Variants in BZW2 observed in about 807,000 individuals in gnomAD.
The protein encoded by BZW2 is basic leucine zipper and W2 domains 2.
In BZW2, 23 loss-of-function variants were observed where a neutral mutation model predicts 53.2. The ratio of observed to expected loss-of-function variants is 0.43; its 90% confidence interval spans 0.31 to 0.61. The LOEUF is 0.61. Among genes scored for constraint, BZW2 ranks in the 20% least tolerant of loss-of-function variants. The probability of loss-of-function intolerance (pLI) is 0.09; values close to 1 mark genes in which losing one functional copy is unlikely to be tolerated. For missense variants in BZW2, 409 were observed against 503.1 expected, an observed-to-expected ratio of 0.81 and a Z score of 1.79; for synonymous variants, 227 against 186.4, an observed-to-expected ratio of 1.22 and a Z score of -1.77.
chr7:16,694,737 A>T, intron 7 of BZW2, 97 bp from the exon 8 acceptor site: 1 of 1,017,674 alleles, frequency 9.8e-7, no homozygotes, highest in East Asian at 2.5e-5. Context: ...TTTTCTTCCA[A>T]ATGTGAGATA....
At chr7:16,649,394 G>T (rs983444115) in intron 1 of BZW2, among the ~76,000 whole-genome samples, 11 of 152,184 alleles carry the variant, frequency 7.2e-5, no homozygotes, top group African/African-American at 2.7e-4. Flanking sequence ...CACTAAGCAC[G>T]CACAATCATA....
intron 10 of BZW2, 192 bp downstream of exon 10, chr7:16,698,378 C>G (rs1280479575): frequency 1.6e-6 from 1 of 640,566 alleles, no homozygotes; most frequent in African/African-American, 1.8e-5. Context: ...ATATGCGTTG[C>G]CTTGGAAACC....
At chr7:16,652,958 T>C (rs1213104451) in intron 1 of BZW2, among the ~76,000 whole-genome samples, 1 of 152,228 alleles carries the variant, frequency 6.6e-6, no homozygotes. Flanking sequence ...GTCATCAGCG[T>C]GCCCTAGACT....
intron 5 of BZW2, among the ~76,000 whole-genome samples, chr7:16,685,267 A>C (rs1562490845): frequency 6.6e-6 from 1 of 152,212 alleles, no homozygotes; most frequent in Non-Finnish European, 1.5e-5. Context: ...CTCTGGGGCA[A>C]GAGAATCTAA....
intron 1 of BZW2, among the ~76,000 whole-genome samples, chr7:16,663,162 T>A (rs746181088): frequency 6.6e-6 from 1 of 152,204 alleles, no homozygotes; most frequent in Non-Finnish European, 1.5e-5. Flanking sequence ...TGGGAATTCA[T>A]TGATTAAGTT....
Position 16,681,165 on chromosome 7 carries a change from C to T in BZW2, c.236-136C>T, listed in dbSNP as rs1331429320. ...TGTACATCTATACATACATGTCATTCTTTGAAATTTTATGTGACTCTTAGA... is the reference window on the plus strand; with the variant it reads ...TGTACATCTATACATACATGTCATTTTTTGAAATTTTATGTGACTCTTAGA... On this transcript the variant is annotated intron_variant, in intron 3 of 11. Coordinates refer to ENST00000258761, the MANE Select transcript of BZW2 (RefSeq NM_014038.3). The T allele has an allele frequency of 8.2e-6, 6 of 734,318 alleles. No homozygotes were observed. The East Asian group carries it at 1.6e-4, about 20-fold the overall frequency. The allele number at this position is 734,318 out of a possible 1,614,324, so 45.5% of individuals were successfully genotyped here.
At chr7:16,705,160 C>A (rs1428731048) in intron 11 of BZW2, among the ~76,000 whole-genome samples, 2 of 151,342 alleles carry the variant, frequency 1.3e-5, no homozygotes, top group Non-Finnish European at 2.9e-5. Context: ...AGTTTGAGAG[C>A]AGGCTGGCCA....
chr7:16,702,376 A>G (rs1397555927), intron 10 of BZW2, among the ~76,000 whole-genome samples: 1 of 152,172 alleles, frequency 6.6e-6, no homozygotes, highest in African/African-American at 2.4e-5. Flanking sequence ...TCTTTCAGCA[A>G]GTAGTTGTTA....
chr7:16,668,099 G>A (rs1229477053), intron 2 of BZW2, among the ~76,000 whole-genome samples: 1 of 152,204 alleles, frequency 6.6e-6, no homozygotes, highest in Non-Finnish European at 1.5e-5. Context: ...CAGCTATGAG[G>A]CACAGAAACG....
At chr7:16,675,702 A>C (rs547054164) in intron 3 of BZW2, among the ~76,000 whole-genome samples, 74 of 152,218 alleles carry the variant, frequency 4.9e-4, no homozygotes, top group Non-Finnish European at 9.8e-4. Flanking sequence ...ATTCAAGTCT[A>C]AGTATAACAG....
chr7:16,678,802 A>C (rs1782846774), intron 3 of BZW2, among the ~76,000 whole-genome samples: 2 of 151,152 alleles, frequency 1.3e-5, no homozygotes, highest in African/African-American at 4.9e-5. Flanking sequence ...AAAGTAAGAA[A>C]TTTTACAGCT....
chr7:16,685,171 T>C (rs913077970), intron 5 of BZW2, among the ~76,000 whole-genome samples: 1 of 152,194 alleles, frequency 6.6e-6, no homozygotes, highest in Non-Finnish European at 1.5e-5. Context: ...ACTCTTAGAA[T>C]TTAATACAGG....
intron 1 of BZW2, among the ~76,000 whole-genome samples, chr7:16,663,359 T>C (rs1782324318): frequency 6.6e-6 from 1 of 152,172 alleles, no homozygotes; most frequent in Admixed American, 6.5e-5. Context: ...AACCTTTGTA[T>C]CCCCAAGCGT....
intron 1 of BZW2, chr7:16,662,217 G>A (rs1305603143): frequency 6.6e-6 from 1 of 152,148 alleles, no homozygotes; most frequent in Non-Finnish European, 1.5e-5. Context: ...CACTCTTGGA[G>A]AGCAGAATAT....
intron 1 of BZW2, among the ~76,000 whole-genome samples, chr7:16,656,126 T>C (rs934227910): frequency 3.3e-5 from 5 of 150,904 alleles, no homozygotes; most frequent in African/African-American, 1.2e-4. Context: ...TGTGTGTATA[T>C]ATATAAATGA....
intron 1 of BZW2, among the ~76,000 whole-genome samples, chr7:16,647,014 T>C (rs1033402725): frequency 1.3e-5 from 2 of 152,118 alleles, no homozygotes; most frequent in Admixed American, 6.5e-5. Flanking sequence ...TGTTGCTGCC[T>C]ATATATAGCC....
At chr7:16,704,022 G>C (rs1783753568) in intron 10 of BZW2, among the ~76,000 whole-genome samples, 1 of 152,088 alleles carries the variant, frequency 6.6e-6, no homozygotes, top group Non-Finnish European at 1.5e-5. Flanking sequence ...CCACAACATA[G>C]CCCAGAAGTT....
intron 1 of BZW2, among the ~76,000 whole-genome samples, chr7:16,654,537 ATATT>A (rs1219018981): frequency 8.0e-6 from 1 of 125,176 alleles, no homozygotes; most frequent in Non-Finnish European, 1.7e-5. Context: ...AAAACGGATG[ATATT>A]TATTTATTTA....
chr7:16,682,447 G>T (rs980943371), intron 4 of BZW2, among the ~76,000 whole-genome samples: 6 of 152,232 alleles, frequency 3.9e-5, no homozygotes, highest in Admixed American at 2.0e-4. Context: ...TGTCTAAGTG[G>T]TTATATCTTT....
Sources: gnomAD v4.1 joint callset for allele counts (sites outside exome capture counted in the v4.1 genomes callset) on GRCh38, gnomAD v4.1.1 for gene constraint, MANE v1.5 for transcripts, NCBI Gene and HGNC (gene_info 2026-07-23, HGNC 2026-07-21) for gene names.